CCDC171: variants seen among roughly 807,000 people sequenced by gnomAD.
CCDC171 encodes coiled-coil domain-containing protein 171.
Under a neutral mutation model 168.2 loss-of-function variants are expected in CCDC171, and 177 were observed. That is an observed-to-expected ratio of 1.05 (90% CI 0.93 to 1.19). The LOEUF is 1.19. CCDC171 is among the 50% of genes most tolerant of loss of function. The probability of loss-of-function intolerance (pLI) is 0.00; values close to 1 mark genes in which losing one functional copy is unlikely to be tolerated. For synonymous variants in CCDC171, 687 were observed against 540.8 expected (o/e 1.27, Z -3.75); for missense variants, 1,991 against 1,539.0 (o/e 1.29, Z -4.91).
intron 25 of CCDC171, among the ~76,000 whole-genome samples, chr9:15,950,677 A>G (rs1271593384): frequency 1.3e-5 from 2 of 152,158 alleles, no homozygotes; most frequent in African/African-American, 4.8e-5. Context: ...TCATGCCAAA[A>G]TGTAAAGACC....
chr9:16,086,245 G>C, the CCDC171 span, among the ~76,000 whole-genome samples: 7 of 151,814 alleles, frequency 4.6e-5, no homozygotes, highest in African/African-American at 1.7e-4. Context: ...TTGCATAGAG[G>C]TATTTATAGT....
At chr9:15,927,525 T>G (rs1046648573) in intron 25 of CCDC171, among the ~76,000 whole-genome samples, 4 of 151,744 alleles carry the variant, frequency 2.6e-5, no homozygotes, top group African/African-American at 4.8e-5. Context: ...CACTGTATGT[T>G]TAAGCAGTAT....
Position 15,594,141 on chromosome 9 carries a change from C to A in CCDC171, c.644C>A (p.Ala215Glu). The A allele has an allele frequency of 6.8e-7, 1 of 1,465,980 alleles. No individual in the cohort carries two copies. Among genetic ancestry groups the A allele is most frequent in the Non-Finnish European group, 9.5e-7 (1 of 1,051,546 alleles). 90.8% of individuals were successfully genotyped at this position (1,465,980 alleles called of 1,614,324 possible). Residue 215 changes from alanine (A) to glutamate (E), a missense_variant, in exon 6 of 26, where the codon GCA becomes GAA. Coordinates refer to ENST00000380701, the MANE Select transcript of CCDC171 (RefSeq NM_173550.4). ...EFRLQEEQWE[A>E]ERRELQFIVQ... The stretch of plus-strand genomic sequence containing the variant: ...AGATTACAAGAAGAACAATGGGAAG[C>A]AGAAAGAAGAGAATTACAATTTATA...
chr9:15,734,173 C>T (rs931960511), intron 16 of CCDC171, among the ~76,000 whole-genome samples: 4 of 152,142 alleles, frequency 2.6e-5, no homozygotes, highest in South Asian at 4.1e-4. Context: ...TGTGTAATAC[C>T]TTAGTCTTTG....
intron 3 of CCDC171, among the ~76,000 whole-genome samples, chr9:16,002,859 A>AGT (rs1428949177): frequency 6.6e-6 from 1 of 152,212 alleles, no homozygotes; most frequent in African/African-American, 2.4e-5. Flanking sequence ...GCTGTGTTAC[A>AGT]ACTGCCTACA....
At chr9:16,082,267 G>A in the CCDC171 span, among the ~76,000 whole-genome samples, 6 of 152,182 alleles carry the variant, frequency 3.9e-5, no homozygotes, top group African/African-American at 1.4e-4. Context: ...AGAATGAGGG[G>A]CTTTATGCTA....
At chr9:15,581,440 C>A (rs2041108530) in intron 4 of CCDC171, among the ~76,000 whole-genome samples, 2 of 152,098 alleles carry the variant, frequency 1.3e-5, no homozygotes, top group South Asian at 2.1e-4. Context: ...CTTTAAAGTT[C>A]ATATGGAACC....
intron 1 of CCDC171, among the ~76,000 whole-genome samples, chr9:16,055,567 C>G (rs533544712): frequency 6.6e-6 from 1 of 152,302 alleles, no homozygotes; most frequent in African/African-American, 2.4e-5. Context: ...CCCTGTGAGG[C>G]TCATAGTATA....
chr9:15,569,242 G>GT (rs2040004014), intron 2 of CCDC171, among the ~76,000 whole-genome samples: 1 of 152,092 alleles, frequency 6.6e-6, no homozygotes, highest in Non-Finnish European at 1.5e-5. Flanking sequence ...AGACATTGTA[G>GT]TGCAGTGGTT....
intron 11 of CCDC171, among the ~76,000 whole-genome samples, chr9:15,712,986 G>T (rs944412246): frequency 6.6e-6 from 1 of 152,150 alleles, no homozygotes; most frequent in Non-Finnish European, 1.5e-5. Flanking sequence ...GTTGATCTGG[G>T]CACAGTGCCC....
At chr9:15,630,333 C>A (rs1159057182) in intron 7 of CCDC171, among the ~76,000 whole-genome samples, 1 of 152,100 alleles carries the variant, frequency 6.6e-6, no homozygotes, top group African/African-American at 2.4e-5. Context: ...GGAGGAAGAT[C>A]TACCAAGCAA....
At chr9:15,699,708 T>C (rs146326679) in intron 11 of CCDC171, among the ~76,000 whole-genome samples, 3,306 of 152,168 alleles carry the variant, frequency 0.022, 124 homozygotes, top group African/African-American at 0.076. Context: ...CTGATTGGTG[T>C]GTTTACAAAC....
intron 16 of CCDC171, among the ~76,000 whole-genome samples, chr9:15,736,462 C>G (rs960342256): frequency 6.6e-6 from 1 of 152,020 alleles, no homozygotes; most frequent in East Asian, 1.9e-4. Flanking sequence ...GAGATTCCCC[C>G]ACCTCAGCCT....
intron 3 of CCDC171, among the ~76,000 whole-genome samples, chr9:16,008,095 A>T (rs1589320122): frequency 6.6e-6 from 1 of 152,160 alleles, no homozygotes; most frequent in Admixed American, 6.6e-5. Context: ...CGTCAAGTTT[A>T]TCCATTTTTT....
At chr9:15,632,520 G>C (rs1273047518) in intron 7 of CCDC171, among the ~76,000 whole-genome samples, 2 of 152,096 alleles carry the variant, frequency 1.3e-5, no homozygotes, top group Non-Finnish European at 2.9e-5. Flanking sequence ...CAAAATAAAA[G>C]AGGATACAAA....
intron 25 of CCDC171, among the ~76,000 whole-genome samples, chr9:15,943,715 T>C (rs1351430632): frequency 3.3e-5 from 5 of 151,966 alleles, no homozygotes; most frequent in African/African-American, 7.2e-5. Flanking sequence ...CTTCCCATCT[T>C]TTATGCAGGC....
At chr9:15,937,159 A>T (rs7865823) in intron 25 of CCDC171, among the ~76,000 whole-genome samples, 106 of 152,140 alleles carry the variant, frequency 7.0e-4, no homozygotes, top group African/African-American at 2.4e-3. Flanking sequence ...GCCCAATTTT[A>T]TTACACCTAA....
At chr9:15,915,114 A>G (rs1824312889) in intron 24 of CCDC171, among the ~76,000 whole-genome samples, 1 of 151,924 alleles carries the variant, frequency 6.6e-6, no homozygotes, top group Non-Finnish European at 1.5e-5. Context: ...GGAATCCTCT[A>G]TTTTTGTTTT....
intron 1 of CCDC171, chr9:16,060,633 C>T (rs778544869): frequency 6.6e-6 from 1 of 152,214 alleles, no homozygotes; most frequent in Non-Finnish European, 1.5e-5. Flanking sequence ...TTGCTTTGTG[C>T]TGCTTCTTTC....
Sources: allele counts gnomAD v4.1 joint callset (sites outside exome capture counted in the v4.1 genomes callset), GRCh38; gene constraint gnomAD v4.1.1; transcripts MANE v1.5; gene names NCBI Gene and HGNC (gene_info 2026-07-23, HGNC 2026-07-21).